CACNB2: variants seen among roughly 807,000 people sequenced by gnomAD.
CACNB2 encodes calcium voltage-gated channel auxiliary subunit beta 2, also known as voltage-dependent L-type calcium channel subunit beta-2.
CACNB2 carries 42 observed loss-of-function variants against 73.3 expected under a neutral mutation model. That is an observed-to-expected ratio of 0.57 (90% CI 0.45 to 0.74). The LOEUF is 0.74. Ranked by LOEUF, CACNB2 falls within the 30% of genes least tolerant of loss-of-function variation. The pLI, the probability that CACNB2 is intolerant of heterozygous loss-of-function variation, is 0.00. For missense variants in CACNB2, 940 were observed against 853.0 expected (o/e 1.10, Z -1.27); for synonymous variants, 348 against 310.3 (o/e 1.12, Z -1.28).
At chr10:18,433,469 A>G (rs2045986580) in intron 3 of CACNB2, among the ~76,000 whole-genome samples, 1 of 152,198 alleles carries the variant, frequency 6.6e-6, no homozygotes, top group Non-Finnish European at 1.5e-5. Flanking sequence ...ATCCAAGACC[A>G]AGCACTTAGG....
At chr10:18,266,385 T>C (rs1832118230) in intron 2 of CACNB2, among the ~76,000 whole-genome samples, 1 of 152,214 alleles carries the variant, frequency 6.6e-6, no homozygotes, top group African/African-American at 2.4e-5. Context: ...AATAATGGGA[T>C]TATAATTAAA....
chr10:18,532,280 T>C (rs1308708421), intron 10 of CACNB2, among the ~76,000 whole-genome samples: 1 of 152,162 alleles, frequency 6.6e-6, no homozygotes, highest in Non-Finnish European at 1.5e-5. Flanking sequence ...CAAATATCTT[T>C]ATATATGTGT....
At chr10:18,409,091 A>G (rs748292948) in intron 3 of CACNB2, among the ~76,000 whole-genome samples, 23 of 152,090 alleles carry the variant, frequency 1.5e-4, no homozygotes, top group Non-Finnish European at 2.9e-4. Flanking sequence ...TGAGGTCAGG[A>G]GTTCGAGGCC....
At chr10:18,203,139 C>T (rs1235913444) in intron 2 of CACNB2, among the ~76,000 whole-genome samples, 1 of 152,214 alleles carries the variant, frequency 6.6e-6, no homozygotes, top group African/African-American at 2.4e-5. Context: ...GCCACAGCAT[C>T]TAGATCCAAT....
At chr10:18,277,178 G>A (rs1391174143) in intron 2 of CACNB2, among the ~76,000 whole-genome samples, 1 of 152,202 alleles carries the variant, frequency 6.6e-6, no homozygotes, top group Non-Finnish European at 1.5e-5. Flanking sequence ...AATCCCGTGA[G>A]GAAGTGGAAG....
At chr10:18,155,425 C>T (rs1470530471) in intron 2 of CACNB2, among the ~76,000 whole-genome samples, 1 of 152,218 alleles carries the variant, frequency 6.6e-6, no homozygotes, top group Non-Finnish European at 1.5e-5. Flanking sequence ...CAGCATTCCA[C>T]TGTGTGGAAA....
At chr10:18,337,088 CTTTTGCT>C (rs2041035693) in intron 2 of CACNB2, among the ~76,000 whole-genome samples, 2 of 151,936 alleles carry the variant, frequency 1.3e-5, no homozygotes, top group Non-Finnish European at 1.5e-5. Flanking sequence ...CCACTTTTTT[CTTTTGCT>C]TTTTGCTTTT....
intron 2 of CACNB2, among the ~76,000 whole-genome samples, chr10:18,184,455 A>G (rs532077095): frequency 3.9e-5 from 6 of 152,290 alleles, no homozygotes; most frequent in African/African-American, 1.4e-4. Context: ...CATCTTGTAT[A>G]AGTATGGTAC....
intron 3 of CACNB2, among the ~76,000 whole-genome samples, chr10:18,407,668 G>A (rs1194112155): frequency 2.0e-5 from 3 of 151,954 alleles, no homozygotes; most frequent in African/African-American, 4.8e-5. Context: ...TGGTTTGTGC[G>A]ATATTTGATT....
At chr10:18,261,110 C>T (rs1414695334) in intron 2 of CACNB2, 8 of 1,476,196 alleles carry the variant, frequency 5.4e-6, no homozygotes, top group Non-Finnish European at 7.2e-6. Context: ...GGAACGGTGG[C>T]TTTTTTAGAA....
chr10:18,249,105 G>A (rs917803794), intron 2 of CACNB2, among the ~76,000 whole-genome samples: 4 of 151,986 alleles, frequency 2.6e-5, no homozygotes, highest in Admixed American at 1.3e-4. Context: ...CCTCATTCTC[G>A]GTTAATGATC....
Position 18,343,934 on chromosome 10 carries a change from T to G in CACNB2, c.214-57990T>G, listed in dbSNP as rs568524904. On this transcript the variant is annotated intron_variant, in intron 2 of 13. Transcript: ENST00000324631. ...TCCTCAACTTCTAAATGGTAATAAATAAATAAATCTGAGTGGGCGTAAACC... is the reference window on the plus strand; with the variant it reads ...TCCTCAACTTCTAAATGGTAATAAAGAAATAAATCTGAGTGGGCGTAAACC... 3.3e-5 allele frequency among the ~76,000 whole-genome samples: 5 copies of G among 152,206 alleles called. No individual in the cohort carries two copies. In the East Asian group the frequency reaches 9.6e-4, roughly 29 times the overall value.
chr10:18,217,976 C>A (rs752369520), intron 2 of CACNB2, among the ~76,000 whole-genome samples: 5 of 152,072 alleles, frequency 3.3e-5, no homozygotes, highest in Non-Finnish European at 7.4e-5. Context: ...AGGAAGAGCC[C>A]CTTGTGTCTT....
chr10:18,164,278 C>T (rs1229074053), intron 2 of CACNB2, among the ~76,000 whole-genome samples: 2 of 152,124 alleles, frequency 1.3e-5, no homozygotes, highest in African/African-American at 2.4e-5. Context: ...TGAACCAGTG[C>T]CACTGACTAA....
At chr10:18,304,200 C>T (rs973077226) in intron 2 of CACNB2, among the ~76,000 whole-genome samples, 1 of 152,170 alleles carries the variant, frequency 6.6e-6, no homozygotes. Context: ...AAGCGAGCCT[C>T]CTGACTCAGC....
intron 2 of CACNB2, among the ~76,000 whole-genome samples, chr10:18,367,814 A>C (rs1228687598): frequency 6.6e-6 from 1 of 152,224 alleles, no homozygotes; most frequent in Non-Finnish European, 1.5e-5. Flanking sequence ...TCTTTGAAAT[A>C]GTATATAATT....
At chr10:18,268,490 T>C (rs994034724) in intron 2 of CACNB2, among the ~76,000 whole-genome samples, 15 of 152,260 alleles carry the variant, frequency 9.9e-5, no homozygotes, top group Admixed American at 8.5e-4. Context: ...GAGGTTTATA[T>C]TCTGAGAATA....
chr10:18,471,857 T>C (rs143115607), intron 3 of CACNB2, among the ~76,000 whole-genome samples: 23 of 152,354 alleles, frequency 1.5e-4, no homozygotes, highest in Middle Eastern at 3.4e-3. Context: ...TCTGTAAAGA[T>C]GTTTTAAAAA....
At chr10:18,334,010 T>C (rs115311046) in intron 2 of CACNB2, among the ~76,000 whole-genome samples, 5,744 of 152,276 alleles carry the variant, frequency 0.038, 183 homozygotes, top group Admixed American at 0.093. Flanking sequence ...ATTCCTGAGG[T>C]TCTCCTCTCT....
Sources: gnomAD v4.1 joint callset for allele counts (sites outside exome capture counted in the v4.1 genomes callset) on GRCh38, gnomAD v4.1.1 for gene constraint, MANE v1.5 for transcripts, NCBI Gene and HGNC (gene_info 2026-07-23, HGNC 2026-07-21) for gene names.